ANGPT1: variants seen among roughly 807,000 people sequenced by gnomAD.
ANGPT1 encodes angiopoietin 1, also known as angiopoietin-1.
A neutral mutation model predicts 62.2 loss-of-function variants in ANGPT1; 17 were observed. That is an observed-to-expected ratio of 0.27 (90% confidence interval 0.19 to 0.41). ANGPT1 has a LOEUF of 0.41. ANGPT1 is among the 10% of genes least tolerant of loss of function. ANGPT1 has a pLI of 1.00. For synonymous variants in ANGPT1, 199 were observed against 198.9 expected (o/e 1.00, Z 0.00); for missense variants, 478 against 594.9 (o/e 0.80, Z 2.04).
intron 4 of ANGPT1, among the ~76,000 whole-genome samples, chr8:107,318,672 G>A (rs1014910802): frequency 6.6e-6 from 1 of 150,950 alleles, no homozygotes; most frequent in Non-Finnish European, 1.5e-5. Flanking sequence ...TTTATTCTAG[G>A]CCCTCTATTT....
intron 1 of ANGPT1, among the ~76,000 whole-genome samples, chr8:107,409,024 C>T (rs1817205922): frequency 6.6e-6 from 1 of 151,930 alleles, no homozygotes; most frequent in Admixed American, 6.6e-5. Context: ...AGATCCTCCT[C>T]AAATTTGGAA....
chr8:107,414,498 T>C (rs1419055401), intron 1 of ANGPT1, among the ~76,000 whole-genome samples: 1 of 152,180 alleles, frequency 6.6e-6, no homozygotes, highest in African/African-American at 2.4e-5. Flanking sequence ...TTTAGTGACA[T>C]TACCTTACCT....
intron 4 of ANGPT1, among the ~76,000 whole-genome samples, chr8:107,306,163 G>C (rs1175199995): frequency 2.6e-5 from 4 of 152,186 alleles, no homozygotes; most frequent in East Asian, 1.9e-4. Flanking sequence ...CCTTCTTATG[G>C]AAGAGACACT....
chr8:107,271,363 A>T lies in ANGPT1; in HGVS notation c.1206-7012T>A, dbSNP rs143345170. 2.1e-3 allele frequency among the ~76,000 whole-genome samples: 321 copies of T among 152,254 alleles called. 3 individuals are homozygous for T. The highest frequency in any genetic ancestry group is 6.8e-3 in the Middle Eastern group (2 of 294). On this transcript the variant is annotated intron_variant, in intron 7 of 8. Coordinates refer to ENST00000517746, the MANE Select transcript of ANGPT1 (RefSeq NM_001146.5). Reference sequence around the variant, plus strand: ...GTAAGTACTTGACTATTTGCAAAAAAATTAAAGTAATCAAACTTCCTTAAG... The same window carrying T: ...GTAAGTACTTGACTATTTGCAAAAATATTAAAGTAATCAAACTTCCTTAAG...
Position 107,322,093 on chromosome 8 carries a change from T to C in ANGPT1, c.611A>G (p.Lys204Arg). ...LEHKILEMEG[K>R]HKEELDTLKE... The stretch of plus-strand genomic sequence containing the variant: ...TAAGGTGTCCAACTCTTCCTTGTGT[T>C]TTCCTTCCATTTCTAAGATTTTATG... The change falls in exon 4 of 9, where the codon AAA becomes AGA. Residue 204 changes from lysine to arginine, a missense_variant. Transcript: ENST00000517746. 1 of 1,613,592 alleles carries C rather than the reference T, an allele frequency of 6.2e-7. No individual in the cohort carries two copies. The highest frequency in any genetic ancestry group is 8.5e-7 in the Non-Finnish European group (1 of 1,179,768).
rs1055871249 is a variant in ANGPT1 at position 107,497,666 on chromosome 8, T to C, written c.-108A>G. 1.7e-6 allele frequency: 2 copies of C among 1,172,544 alleles called. No homozygotes were observed. The highest frequency in any genetic ancestry group is 2.6e-5 in the East Asian group (1 of 38,032). The allele number at this position is 1,172,544 out of a possible 1,614,324, so 72.6% of individuals were successfully genotyped here. A position where few individuals can be genotyped will look rare whatever the true frequency, so the allele number is the denominator to read the frequency against. On this transcript the variant is annotated 5_prime_UTR_variant, in exon 1 of 9. Transcript: ENST00000517746. ...GTAAAACTGCTTGTTTGTTTGACTC[T>C]TTCCCCCTCAAAGAAAGCGTTTGAA... is the stretch of plus-strand genomic sequence containing the variant.
intron 1 of ANGPT1, 71 bp from the exon 2 acceptor site, chr8:107,347,168 C>T: frequency 1.4e-6 from 2 of 1,477,850 alleles, no homozygotes; most frequent in Non-Finnish European, 1.8e-6. Context: ...GTAATATTTA[C>T]AATAACAAAA....
intron 4 of ANGPT1, among the ~76,000 whole-genome samples, chr8:107,313,577 C>CCTG (rs1309981429): frequency 3.3e-5 from 5 of 150,764 alleles, no homozygotes; most frequent in Non-Finnish European, 7.4e-5. Context: ...GTAGTTGGGA[C>CCTG]TACAGGCGCC....
At chr8:107,409,494 A>G (rs915055355) in intron 1 of ANGPT1, among the ~76,000 whole-genome samples, 5 of 152,074 alleles carry the variant, frequency 3.3e-5, no homozygotes, top group African/African-American at 1.2e-4. Context: ...TAGTCTGTTC[A>G]TCTCTGCTCA....
At chr8:107,467,403 G>A (rs1182078502) in intron 1 of ANGPT1, among the ~76,000 whole-genome samples, 2 of 151,724 alleles carry the variant, frequency 1.3e-5, no homozygotes, top group African/African-American at 4.8e-5. Context: ...CCACCAAAAC[G>A]TACAATTTAA....
intron 7 of ANGPT1, among the ~76,000 whole-genome samples, chr8:107,282,049 CA>C (rs1814019646): frequency 6.6e-6 from 1 of 151,352 alleles, no homozygotes; most frequent in Non-Finnish European, 1.5e-5. Flanking sequence ...CGTGATGATA[CA>C]GGCAGGGAGA....
intron 7 of ANGPT1, among the ~76,000 whole-genome samples, chr8:107,280,903 A>G (rs1374212876): frequency 6.6e-6 from 1 of 152,196 alleles, no homozygotes; most frequent in Admixed American, 6.5e-5. Flanking sequence ...GGAAGGTTCT[A>G]TAATTGCCTG....
chr8:107,464,910 A>G (rs768793253), intron 1 of ANGPT1, among the ~76,000 whole-genome samples: 24 of 152,134 alleles, frequency 1.6e-4, no homozygotes, highest in Middle Eastern at 3.2e-3. Flanking sequence ...GAGCAGGAAA[A>G]CAAAGAGGAT....
chr8:107,402,448 A>G (rs540059745), intron 1 of ANGPT1, among the ~76,000 whole-genome samples: 1 of 152,336 alleles, frequency 6.6e-6, no homozygotes, highest in African/African-American at 2.4e-5. Context: ...ATAAATGTGT[A>G]TTTAGCAACT....
intron 1 of ANGPT1, among the ~76,000 whole-genome samples, chr8:107,480,326 T>C (rs10429373): frequency 0.023 from 3,506 of 152,320 alleles, 128 homozygotes; most frequent in African/African-American, 0.076. Context: ...AAGAATAAGG[T>C]ATCTATTTAA....
Position 107,420,485 on chromosome 8 carries a change from G to C in ANGPT1, c.298-73388C>G, listed in dbSNP as rs138860935. On this transcript the variant is annotated intron_variant, in intron 1 of 8. Transcript: ENST00000517746. ...TGTGTATCGAAGGCAAACATTATAGGTTAATTGTTAGTTGTCTCTCCTCTA... is the reference window on the plus strand; with the variant it reads ...TGTGTATCGAAGGCAAACATTATAGCTTAATTGTTAGTTGTCTCTCCTCTA... Among the ~76,000 whole-genome samples the C allele has an allele frequency of 1.2e-3, 183 of 152,248 alleles. 1 individual carries two copies. Among genetic ancestry groups the C allele is most frequent in the Middle Eastern group, 3.4e-3 (1 of 294 alleles).
chr8:107,489,247 T>A (rs896666751), intron 1 of ANGPT1, among the ~76,000 whole-genome samples: 1 of 152,212 alleles, frequency 6.6e-6, no homozygotes, highest in African/African-American at 2.4e-5. Flanking sequence ...TTTTTTCACT[T>A]GCATTTTATT....
intron 5 of ANGPT1, among the ~76,000 whole-genome samples, chr8:107,302,096 T>C (rs1814605325): frequency 1.3e-5 from 2 of 151,912 alleles, no homozygotes; most frequent in Non-Finnish European, 2.9e-5. Context: ...ACATATCTAT[T>C]GAGACCTACT....
intron 6 of ANGPT1, among the ~76,000 whole-genome samples, chr8:107,293,604 C>G (rs1267739230): frequency 6.6e-6 from 1 of 152,142 alleles, no homozygotes; most frequent in African/African-American, 2.4e-5. Context: ...AACCTGCAAC[C>G]CTGCACAGCT....
Sources: allele counts gnomAD v4.1 joint callset (sites outside exome capture counted in the v4.1 genomes callset), GRCh38; gene constraint gnomAD v4.1.1; transcripts MANE v1.5; gene names NCBI Gene and HGNC (gene_info 2026-07-23, HGNC 2026-07-21).